KCNMA1: variants seen among roughly 807,000 people sequenced by gnomAD.
KCNMA1 encodes the protein potassium calcium-activated channel subfamily M alpha 1.
Under a neutral mutation model 140.0 loss-of-function variants are expected in KCNMA1, and 29 were observed. The observed-to-expected ratio is 0.21, with a 90% CI of 0.15 to 0.28. KCNMA1 has a LOEUF of 0.28. Among genes scored for constraint, KCNMA1 ranks in the 10% least tolerant of loss-of-function variants. KCNMA1 has a pLI of 1.00. For missense variants in KCNMA1, 880 were observed against 1,602.2 expected, an observed-to-expected ratio of 0.55 and a Z score of 7.70; for synonymous variants, 612 against 611.9, an observed-to-expected ratio of 1.00 and a Z score of 0.00.
intron 3 of KCNMA1, among the ~76,000 whole-genome samples, chr10:77,238,053 G>A (rs1436491542): frequency 6.6e-6 from 1 of 152,152 alleles, no homozygotes; most frequent in Non-Finnish European, 1.5e-5. Flanking sequence ...ACAGTCGGCT[G>A]GCTTGGAGGC....
intron 1 of KCNMA1, among the ~76,000 whole-genome samples, chr10:77,437,882 T>C (rs2097297191): frequency 6.6e-6 from 1 of 152,062 alleles, no homozygotes. Flanking sequence ...CTCAAATGCT[T>C]TAAAGAGTTA....
At chr10:77,036,537 G>A (rs1209369119) in intron 15 of KCNMA1, among the ~76,000 whole-genome samples, 1 of 152,196 alleles carries the variant, frequency 6.6e-6, no homozygotes, top group Non-Finnish European at 1.5e-5. Flanking sequence ...TTTTAGCGCA[G>A]CGCATAATTA....
At chr10:77,447,503 G>A (rs375750958) in intron 1 of KCNMA1, among the ~76,000 whole-genome samples, 7 of 152,250 alleles carry the variant, frequency 4.6e-5, no homozygotes, top group Non-Finnish European at 8.8e-5. Flanking sequence ...ACTTGCTGAC[G>A]GAGCTCTTGC....
At chr10:77,423,883 T>G (rs914106789) in intron 1 of KCNMA1, among the ~76,000 whole-genome samples, 11 of 152,184 alleles carry the variant, frequency 7.2e-5, no homozygotes, top group Non-Finnish European at 1.5e-4. Context: ...TCCTTCTCTC[T>G]TCCCTCCCAA....
intron 1 of KCNMA1, among the ~76,000 whole-genome samples, chr10:77,410,953 G>A (rs1026487902): frequency 6.6e-6 from 1 of 152,170 alleles, no homozygotes; most frequent in South Asian, 2.1e-4. Flanking sequence ...TCATCATTGT[G>A]TGCTGTCTGC....
At chr10:77,003,966 C>T (rs751754651) in intron 18 of KCNMA1, among the ~76,000 whole-genome samples, 2 of 152,064 alleles carry the variant, frequency 1.3e-5, no homozygotes, top group Admixed American at 6.5e-5. Flanking sequence ...TATTGTTAGC[C>T]GTTCTGGCGA....
chr10:77,626,421 A>C (rs1034168299), intron 1 of KCNMA1, among the ~76,000 whole-genome samples: 1 of 152,214 alleles, frequency 6.6e-6, no homozygotes, highest in African/African-American at 2.4e-5. Flanking sequence ...GAAGGAGAAC[A>C]ACAATGTATA....
At chr10:77,185,304 A>AAAACTAAAACACAGTTT (rs1203947312) in intron 3 of KCNMA1, among the ~76,000 whole-genome samples, 1 of 152,144 alleles carries the variant, frequency 6.6e-6, no homozygotes, top group African/African-American at 2.4e-5. Flanking sequence ...GAGAGGACAC[A>AAAACTAAAACACAGTTT]TACTAAAGCT....
intron 19 of KCNMA1, among the ~76,000 whole-genome samples, chr10:76,986,767 C>T (rs2081371634): frequency 6.6e-6 from 1 of 152,172 alleles, no homozygotes; most frequent in Non-Finnish European, 1.5e-5. Flanking sequence ...GGTGGATGAA[C>T]AGAAGCAATG....
In KCNMA1 at chr10:77,120,958, C is replaced by T. The variant is rs200196183; in HGVS notation, c.884+15G>A. On this transcript the variant is annotated intron_variant, in intron 6 of 27. Transcript: ENST00000286628. ...GGGGACTGGAATGAAAAAAATATGA[C>T]GAAGAACATCTTACCTTGTTTTAAG... The T allele has an allele frequency of 9.9e-5, 150 of 1,509,818 alleles. 2 individuals carry two copies. The highest frequency in any genetic ancestry group is 1.6e-4 in the East Asian group (7 of 44,362). 93.5% of individuals were successfully genotyped at this position (1,509,818 alleles called of 1,614,324 possible). A position where few individuals can be genotyped will look rare whatever the true frequency, so the allele number is the denominator to read the frequency against.
intron 2 of KCNMA1, among the ~76,000 whole-genome samples, chr10:77,371,705 TATG>T (rs1477584674): frequency 6.6e-6 from 1 of 152,110 alleles, no homozygotes; most frequent in Non-Finnish European, 1.5e-5. Context: ...CCACCCCTGT[TATG>T]ATATGCACTT....
chr10:77,055,950 C>G (rs183182264), intron 14 of KCNMA1, among the ~76,000 whole-genome samples: 15 of 152,284 alleles, frequency 9.9e-5, no homozygotes, highest in Non-Finnish European at 2.2e-4. Flanking sequence ...ATTCTAAGAA[C>G]TAAACTACAA....
intron 19 of KCNMA1, among the ~76,000 whole-genome samples, chr10:76,975,694 T>C (rs1328570805): frequency 6.6e-6 from 1 of 152,190 alleles, no homozygotes; most frequent in Non-Finnish European, 1.5e-5. Context: ...GTGATGTCCT[T>C]GGAATGAGAG....
chr10:77,167,459 T>C (rs749942530), intron 5 of KCNMA1, among the ~76,000 whole-genome samples: 12 of 152,164 alleles, frequency 7.9e-5, no homozygotes, highest in Non-Finnish European at 1.8e-4. Context: ...TCATCTTTCC[T>C]ATAGTAGGGC....
chr10:76,908,130 A>G (rs1188502705), intron 25 of KCNMA1, among the ~76,000 whole-genome samples: 1 of 152,250 alleles, frequency 6.6e-6, no homozygotes, highest in Admixed American at 6.5e-5. Flanking sequence ...AATGAGATGA[A>G]TTACCAAAAT....
chr10:77,196,574 T>C (rs1487565468), intron 3 of KCNMA1, among the ~76,000 whole-genome samples: 1 of 152,180 alleles, frequency 6.6e-6, no homozygotes, highest in Non-Finnish European at 1.5e-5. Context: ...ACATGGGATA[T>C]GGTTAATAGA....
intron 3 of KCNMA1, among the ~76,000 whole-genome samples, chr10:77,203,072 G>A (rs976970543): frequency 6.6e-6 from 1 of 152,206 alleles, no homozygotes; most frequent in Non-Finnish European, 1.5e-5. Flanking sequence ...TTACCTGCAA[G>A]TGGCTTGGGC....
At chr10:77,526,845 C>T (rs1051247660) in intron 1 of KCNMA1, among the ~76,000 whole-genome samples, 1 of 152,066 alleles carries the variant, frequency 6.6e-6, no homozygotes, top group African/African-American at 2.4e-5. Flanking sequence ...TCTCTTCCCC[C>T]TCTCCAACTT....
intron 3 of KCNMA1, among the ~76,000 whole-genome samples, chr10:77,248,239 G>A (rs1307793895): frequency 1.3e-5 from 2 of 152,212 alleles, no homozygotes; most frequent in African/African-American, 4.8e-5. Context: ...GACATAGCTG[G>A]TCCAGCAGAC....
Sources: gnomAD v4.1 joint callset for allele counts (sites outside exome capture counted in the v4.1 genomes callset) on GRCh38, gnomAD v4.1.1 for gene constraint, MANE v1.5 for transcripts, NCBI Gene and HGNC (gene_info 2026-07-23, HGNC 2026-07-21) for gene names.